SGCZ: variants seen among roughly 807,000 people sequenced by gnomAD.
SGCZ encodes zeta-sarcoglycan.
A neutral mutation model predicts 41.3 loss-of-function variants in SGCZ; 40 were observed. The observed-to-expected ratio is 0.97, with a 90% CI of 0.75 to 1.26. SGCZ has a LOEUF of 1.26. SGCZ is among the 50% of genes most tolerant of loss of function. The probability of loss-of-function intolerance (pLI) is 0.00; values close to 1 mark genes in which losing one functional copy is unlikely to be tolerated. For synonymous variants in SGCZ, 206 were observed against 137.5 expected (o/e 1.50, Z -3.49); for missense variants, 552 against 369.8 (o/e 1.49, Z -4.04).
At chr8:14,962,611 C>A (rs11985226) in intron 1 of SGCZ, among the ~76,000 whole-genome samples, 66,387 of 151,822 alleles carry the variant, frequency 0.44, 14,691 homozygotes, top group Non-Finnish European at 0.45. Context: ...ATAGAAAATT[C>A]ATTTTTATGT....
intron 2 of SGCZ, among the ~76,000 whole-genome samples, chr8:14,486,470 A>G (rs1038385081): frequency 7.9e-5 from 12 of 152,224 alleles, no homozygotes; most frequent in African/African-American, 2.9e-4. Flanking sequence ...TAAGTAATAT[A>G]TTCCCTAAAT....
rs373276325 is a variant in SGCZ, at chr8:14,173,927, G to C, written c.425-9225C>G. On this transcript the variant is annotated intron_variant, in intron 4 of 7. Transcript: ENST00000382080. ...TAAAAACAGACATGCTAACATACAT[G>C]ACTGCAAACCTTTTAATAAGATATT... Among the ~76,000 whole-genome samples the C allele has an allele frequency of 4.6e-5, 7 of 152,118 alleles. No individual in the cohort carries two copies. In the South Asian group the frequency reaches 1.2e-3, roughly 27 times the overall value.
chr8:14,286,915 G>C (rs956392002), intron 3 of SGCZ, among the ~76,000 whole-genome samples: 2 of 151,932 alleles, frequency 1.3e-5, no homozygotes, highest in African/African-American at 2.4e-5. Flanking sequence ...TCTTTGAAAA[G>C]TAAACAAATG....
At chr8:14,687,169 A>AT (rs1315442922) in intron 1 of SGCZ, among the ~76,000 whole-genome samples, 122 of 127,050 alleles carry the variant, frequency 9.6e-4, no homozygotes, top group Non-Finnish European at 1.3e-3. Context: ...AAAGAAAAAA[A>AT]AAATATATAT....
chr8:14,941,314 G>A (rs1044974231), intron 1 of SGCZ, among the ~76,000 whole-genome samples: 2 of 152,120 alleles, frequency 1.3e-5, no homozygotes, highest in African/African-American at 4.8e-5. Context: ...GTTTGCTACA[G>A]CATTATTTAA....
chr8:14,450,114 C>T (rs757879320), intron 2 of SGCZ, among the ~76,000 whole-genome samples: 27 of 152,066 alleles, frequency 1.8e-4, no homozygotes, highest in Admixed American at 3.3e-4. Context: ...CAAAAATCTG[C>T]CAATCCTTTT....
At chr8:14,606,995 A>C (rs1252558870) in intron 1 of SGCZ, among the ~76,000 whole-genome samples, 1 of 152,190 alleles carries the variant, frequency 6.6e-6, no homozygotes, top group African/African-American at 2.4e-5. Flanking sequence ...TACTGTTTTC[A>C]TATTCATCAT....
At chr8:14,637,434 T>C (rs1431535210) in intron 1 of SGCZ, among the ~76,000 whole-genome samples, 2 of 151,696 alleles carry the variant, frequency 1.3e-5, no homozygotes, top group Non-Finnish European at 2.9e-5. Flanking sequence ...ATGAACATAG[T>C]ACAGAATAGG....
intron 1 of SGCZ, among the ~76,000 whole-genome samples, chr8:14,869,341 A>G (rs889573890): frequency 1.3e-5 from 2 of 151,840 alleles, no homozygotes; most frequent in South Asian, 2.1e-4. Flanking sequence ...CAAAAAACAC[A>G]TGATTATCTC....
intron 1 of SGCZ, among the ~76,000 whole-genome samples, chr8:15,071,802 T>C (rs1805359786): frequency 6.6e-6 from 1 of 151,958 alleles, no homozygotes; most frequent in Non-Finnish European, 1.5e-5. Context: ...AAAAAAAGCT[T>C]AGGAAGATGG....
At chr8:14,291,378 A>T (rs1283387732) in intron 3 of SGCZ, among the ~76,000 whole-genome samples, 2 of 152,066 alleles carry the variant, frequency 1.3e-5, no homozygotes, top group Admixed American at 6.6e-5. Context: ...TCAATACAGG[A>T]TTTATACATG....
chr8:14,486,538 A>T (rs879271262), intron 2 of SGCZ, among the ~76,000 whole-genome samples: 4 of 152,252 alleles, frequency 2.6e-5, no homozygotes, highest in Non-Finnish European at 5.9e-5. Flanking sequence ...TGGAGAACTT[A>T]GGATTAACTG....
chr8:14,751,708 C>A (rs1388137194), intron 1 of SGCZ, among the ~76,000 whole-genome samples: 1 of 151,918 alleles, frequency 6.6e-6, no homozygotes, highest in Non-Finnish European at 1.5e-5. Context: ...GCCACCATGC[C>A]CGGCTAATTT....
intron 2 of SGCZ, among the ~76,000 whole-genome samples, chr8:14,452,538 T>C (rs1800625231): frequency 6.6e-6 from 1 of 151,966 alleles, no homozygotes; most frequent in African/African-American, 2.4e-5. Flanking sequence ...ATATACATCC[T>C]GGGCATGCAT....
At chr8:14,505,363 A>G (rs1802275952) in intron 2 of SGCZ, among the ~76,000 whole-genome samples, 1 of 152,116 alleles carries the variant, frequency 6.6e-6, no homozygotes, top group Admixed American at 6.6e-5. Flanking sequence ...ACCAGGGCAG[A>G]GTGCTTCCCA....
intron 1 of SGCZ, among the ~76,000 whole-genome samples, 183 bp downstream of exon 1, chr8:15,237,402 C>A (rs534001009): frequency 6.6e-6 from 1 of 152,286 alleles, no homozygotes; most frequent in South Asian, 2.1e-4. Context: ...CTCGGGAGAA[C>A]CACCCTCCGT....
At chr8:14,963,369 C>T (rs1801027406) in intron 1 of SGCZ, among the ~76,000 whole-genome samples, 2 of 150,072 alleles carry the variant, frequency 1.3e-5, no homozygotes, top group Non-Finnish European at 3.0e-5. Flanking sequence ...GACAGAGTCT[C>T]ACTCTATTGC....
intron 1 of SGCZ, among the ~76,000 whole-genome samples, chr8:15,061,277 A>T (rs950285383): frequency 3.4e-5 from 5 of 147,742 alleles, no homozygotes; most frequent in Non-Finnish European, 7.6e-5. Context: ...ACAAACTAAC[A>T]CAGGAACAGA....
Position 14,805,885 on chromosome 8 carries a change from A to C in SGCZ, c.40-250959T>G, listed in dbSNP as rs1431765996. 1.3e-4 allele frequency among the ~76,000 whole-genome samples: 19 copies of C among 151,120 alleles called. No individual in the cohort carries two copies. In the East Asian group the frequency reaches 3.4e-3, roughly 27 times the overall value. On this transcript the variant is annotated intron_variant, in intron 1 of 7. Coordinates refer to ENST00000382080, the MANE Select transcript of SGCZ (RefSeq NM_139167.4). The stretch of plus-strand genomic sequence containing the variant: ...CAGAAATTATAACAAACTATCTCTC[A>C]GACCACAGTGCAATCAAACTAGAAC...
Sources: allele counts gnomAD v4.1 joint callset (sites outside exome capture counted in the v4.1 genomes callset), GRCh38; gene constraint gnomAD v4.1.1; transcripts MANE v1.5; gene names NCBI Gene and HGNC (gene_info 2026-07-23, HGNC 2026-07-21).